Variants in CALD1 observed in about 807,000 individuals in gnomAD.
The protein encoded by CALD1 is caldesmon.
A neutral mutation model predicts 99.9 loss-of-function variants in CALD1; 33 were observed. That is an observed-to-expected ratio of 0.33 (90% CI 0.25 to 0.44). The LOEUF is 0.44. CALD1 is among the 20% of genes least tolerant of loss of function. CALD1 has a pLI of 1.00. For missense variants in CALD1, 861 were observed against 962.1 expected (o/e 0.89, Z 1.39); for synonymous variants, 310 against 325.0 (o/e 0.95, Z 0.50).
chr7:134,844,586 ATTG>A (rs1211186449), intron 2 of CALD1, among the ~76,000 whole-genome samples: 3 of 152,184 alleles, frequency 2.0e-5, no homozygotes, highest in Non-Finnish European at 2.9e-5. Flanking sequence ...CACTCAGGCA[ATTG>A]TTGTTTCAAA....
chr7:134,845,210 G>C (rs1300885886), intron 2 of CALD1, among the ~76,000 whole-genome samples: 2 of 152,126 alleles, frequency 1.3e-5, no homozygotes, highest in African/African-American at 4.8e-5. Context: ...TGAAATCAGA[G>C]AGTGTGCCTT....
chr7:134,803,407 A>C (rs1408106189), intron 1 of CALD1, among the ~76,000 whole-genome samples: 2 of 152,000 alleles, frequency 1.3e-5, no homozygotes, highest in Non-Finnish European at 2.9e-5. Flanking sequence ...TCATTCTTTA[A>C]AATTTTATGG....
the CALD1 span, among the ~76,000 whole-genome samples, chr7:134,735,565 CTGTGTG>C: frequency 6.1e-3 from 739 of 121,400 alleles, 5 homozygotes; most frequent in African/African-American, 0.02. Context: ...CCACTACCCT[CTGTGTG>C]TGTGTGTGTG....
At chr7:134,760,640 A>G (rs1796768824) in intron 1 of CALD1, among the ~76,000 whole-genome samples, 1 of 152,264 alleles carries the variant, frequency 6.6e-6, no homozygotes, top group African/African-American at 2.4e-5. Context: ...ATGATATATA[A>G]AACAGTGCAT....
At chr7:134,726,378 AAT>A in the CALD1 span, among the ~76,000 whole-genome samples, 1 of 145,802 alleles carries the variant, frequency 6.9e-6, no homozygotes, top group Non-Finnish European at 1.5e-5. Context: ...AACTTAATAT[AAT>A]ATATATCTTT....
upstream of CALD1, among the ~76,000 whole-genome samples, chr7:134,775,161 T>C (rs1796907466): frequency 6.6e-6 from 1 of 152,234 alleles, no homozygotes; most frequent in East Asian, 1.9e-4. Flanking sequence ...AACCCTGCCA[T>C]TAATAGAGTG....
chr7:134,942,797 A>G (rs1288334303), intron 7 of CALD1, among the ~76,000 whole-genome samples: 1 of 152,224 alleles, frequency 6.6e-6, no homozygotes, highest in African/African-American at 2.4e-5. Context: ...AATAACGTTT[A>G]AGAAAATCTG....
At chr7:134,953,663 TTTTTTG>T (rs1334469288) in intron 9 of CALD1, among the ~76,000 whole-genome samples, 1 of 130,708 alleles carries the variant, frequency 7.7e-6, no homozygotes, top group African/African-American at 2.8e-5. Flanking sequence ...GTGGTTTTTT[TTTTTTG>T]TTTTTTTTTT....
At chr7:134,903,136 G>C (rs1202864592) in intron 3 of CALD1, among the ~76,000 whole-genome samples, 1 of 152,158 alleles carries the variant, frequency 6.6e-6, no homozygotes, top group Non-Finnish European at 1.5e-5. Context: ...ACAGTAAAAA[G>C]ATGAGTGGTT....
chr7:134,823,982 C>A (rs1020206245), intron 1 of CALD1, among the ~76,000 whole-genome samples: 1 of 152,040 alleles, frequency 6.6e-6, no homozygotes, highest in Non-Finnish European at 1.5e-5. Flanking sequence ...CAGAACATTA[C>A]CAGAAGGGGG....
intron 6 of CALD1, among the ~76,000 whole-genome samples, chr7:134,937,654 GAAGA>G (rs951084009): frequency 1.4e-5 from 2 of 140,394 alleles, no homozygotes; most frequent in South Asian, 2.2e-4. Flanking sequence ...AAAAAAAGAA[GAAGA>G]AAGAAAGCAA....
intron 1 of CALD1, among the ~76,000 whole-genome samples, chr7:134,772,095 CTTTT>C (rs11427929): frequency 2.2e-5 from 3 of 138,012 alleles, no homozygotes; most frequent in Non-Finnish European, 4.6e-5. Context: ...AATAAATGAA[CTTTT>C]TTTTTTTTTT....
chr7:134,879,636 T>G (rs1376939664), intron 3 of CALD1, among the ~76,000 whole-genome samples: 1 of 152,378 alleles, frequency 6.6e-6, no homozygotes, highest in East Asian at 1.9e-4. Flanking sequence ...TTGTTAATTA[T>G]AAATCATTTG....
intron 2 of CALD1, among the ~76,000 whole-genome samples, chr7:134,867,392 T>A (rs1404190998): frequency 6.6e-6 from 1 of 152,190 alleles, no homozygotes; most frequent in African/African-American, 2.4e-5. Flanking sequence ...GCAAAATCAT[T>A]CATTAGAATT....
At chr7:134,913,337 C>T (rs1203883161) in intron 3 of CALD1, among the ~76,000 whole-genome samples, 4 of 152,126 alleles carry the variant, frequency 2.6e-5, no homozygotes, top group Non-Finnish European at 5.9e-5. Context: ...GAACTTAGAA[C>T]CAGACCTTCA....
At chr7:134,751,401 C>T (rs1354384477) in intron 1 of CALD1, among the ~76,000 whole-genome samples, 1 of 152,178 alleles carries the variant, frequency 6.6e-6, no homozygotes, top group Non-Finnish European at 1.5e-5. Flanking sequence ...TTCATATTCT[C>T]ATCTTACACT....
chr7:134,866,039 A>G (rs1328652996), intron 2 of CALD1, among the ~76,000 whole-genome samples: 3 of 152,186 alleles, frequency 2.0e-5, no homozygotes, highest in Non-Finnish European at 4.4e-5. Flanking sequence ...GGAAGAGAAG[A>G]GTCTACCCTC....
intron 1 of CALD1, among the ~76,000 whole-genome samples, chr7:134,824,878 C>T (rs1275350640): frequency 6.6e-6 from 1 of 152,128 alleles, no homozygotes; most frequent in Non-Finnish European, 1.5e-5. Flanking sequence ...ATATACGTCA[C>T]TTGGTCAGAT....
upstream of CALD1, among the ~76,000 whole-genome samples, chr7:134,775,487 G>A (rs1218723623): frequency 6.6e-6 from 1 of 152,182 alleles, no homozygotes; most frequent in Non-Finnish European, 1.5e-5. Context: ...CGAGGCGGGT[G>A]GATCAAGAGG....
Sources: gnomAD v4.1 joint callset for allele counts (sites outside exome capture counted in the v4.1 genomes callset) on GRCh38, gnomAD v4.1.1 for gene constraint, MANE v1.5 for transcripts, NCBI Gene and HGNC (gene_info 2026-07-23, HGNC 2026-07-21) for gene names.